EBF1: variants seen among roughly 807,000 people sequenced by gnomAD.
The protein encoded by EBF1 is transcription factor COE1.
Under a neutral mutation model 68.4 loss-of-function variants are expected in EBF1, and 10 were observed. The ratio of observed to expected loss-of-function variants is 0.15; its 90% CI spans 0.09 to 0.25. The LOEUF (loss-of-function observed/expected upper bound fraction) is 0.25, where lower values mean the gene tolerates loss of function less well. Among genes scored for constraint, EBF1 ranks in the 10% least tolerant of loss-of-function variants. The pLI, the probability that EBF1 is intolerant of heterozygous loss-of-function variation, is 1.00. For synonymous variants in EBF1, 298 were observed against 299.8 expected (o/e 0.99, Z 0.06); for missense variants, 509 against 794.4 (o/e 0.64, Z 4.32).
chr5:159,013,289 G>C (rs1370114802), intron 6 of EBF1, among the ~76,000 whole-genome samples: 1 of 152,202 alleles, frequency 6.6e-6, no homozygotes, highest in Non-Finnish European at 1.5e-5. Context: ...AGCAAAAGCA[G>C]ACACAGGCCC....
chr5:159,080,335 T>C (rs1779526629), intron 5 of EBF1, among the ~76,000 whole-genome samples: 2 of 152,150 alleles, frequency 1.3e-5, no homozygotes, highest in African/African-American at 4.8e-5. Context: ...TTCAACCCTT[T>C]CTAGAGTGCA....
chr5:159,024,725 A>C (rs1048659033), intron 6 of EBF1, among the ~76,000 whole-genome samples: 10 of 152,364 alleles, frequency 6.6e-5, no homozygotes, highest in Middle Eastern at 3.4e-3. Context: ...TTAAAAAATA[A>C]ATACATCATA....
intron 10 of EBF1, among the ~76,000 whole-genome samples, chr5:158,754,762 C>G (rs1453116118): frequency 6.6e-6 from 1 of 151,998 alleles, no homozygotes; most frequent in Non-Finnish European, 1.5e-5. Flanking sequence ...ACAAAGACCC[C>G]CAAATATTTG....
intron 8 of EBF1, among the ~76,000 whole-genome samples, chr5:158,811,093 A>G (rs62621135): frequency 0.076 from 11,632 of 152,196 alleles, 509 homozygotes; most frequent in South Asian, 0.11. Context: ...TAATTTCTAT[A>G]AAGTATCATT....
In EBF1 at chr5:158,992,927, T is replaced by C. The variant is rs994629524; in HGVS notation, c.554+80469A>G. Among the ~76,000 whole-genome samples the C allele has an allele frequency of 3.8e-5, 5 of 131,922 alleles. 1 individual carries two copies. The South Asian group carries it at 1.4e-3, about 36-fold the overall frequency. The allele number at this position is 131,922 out of a possible 152,430, so 86.5% of individuals were successfully genotyped here. A position where few individuals can be genotyped will look rare whatever the true frequency, so the allele number is the denominator to read the frequency against. ...CCCTGCTGTTTCTTTCTTTTTTTTT[T>C]TTTTTTTTTTTTTTTTTTTGAGACG... is the stretch of plus-strand genomic sequence containing the variant. On this transcript the variant is annotated intron_variant, in intron 6 of 15. Transcript: ENST00000313708.
At chr5:158,731,302 A>G in intron 10 of EBF1, 145 bp from the exon 11 acceptor site, 1 of 815,040 alleles carries the variant, frequency 1.2e-6, no homozygotes, top group Non-Finnish European at 1.9e-6. Context: ...TGTGTGAATG[A>G]TCTCTTGGCT....
intron 6 of EBF1, among the ~76,000 whole-genome samples, chr5:158,944,538 T>TA (rs1202128039): frequency 6.6e-6 from 1 of 152,208 alleles, no homozygotes; most frequent in Admixed American, 6.5e-5. Context: ...TACGTGTGCA[T>TA]GTGTCTTTAT....
intron 10 of EBF1, among the ~76,000 whole-genome samples, chr5:158,775,788 A>ATG (rs1187160962): frequency 6.0e-4 from 20 of 33,464 alleles, no homozygotes; most frequent in African/African-American, 1.7e-3. Flanking sequence ...ACACAGACAC[A>ATG]CACACACACA....
chr5:159,031,915 T>C (rs2127746728), intron 6 of EBF1, among the ~76,000 whole-genome samples: 1 of 150,318 alleles, frequency 6.7e-6, no homozygotes, highest in South Asian at 2.1e-4. Context: ...CCATCTTTTG[T>C]GGGTGCAGTT....
chr5:159,054,277 T>A (rs1774342599), intron 6 of EBF1, among the ~76,000 whole-genome samples: 1 of 152,152 alleles, frequency 6.6e-6, no homozygotes. Flanking sequence ...AAACAGGAAA[T>A]CCTGAAAGGG....
rs192333977 is a variant in EBF1, at chr5:158,751,020, A to G, written c.1037-19863T>C. Among the ~76,000 whole-genome samples, 205 of 152,242 alleles carry G rather than the reference A, an allele frequency of 1.3e-3. 1 individual carries two copies. The highest frequency in any genetic ancestry group is 2.5e-3 in the Non-Finnish European group (168 of 67,986). The stretch of plus-strand genomic sequence containing the variant: ...TGAAGAAATTTTAATGCGTGGGAAA[A>G]TGCTTATTAGGCTATGTGAAAAAAA... On this transcript the variant is annotated intron_variant, in intron 10 of 15. Transcript: ENST00000313708.
intron 6 of EBF1, among the ~76,000 whole-genome samples, chr5:158,940,100 G>A (rs913773018): frequency 6.6e-6 from 1 of 152,172 alleles, no homozygotes; most frequent in African/African-American, 2.4e-5. Context: ...TGCATTCTGG[G>A]AGAGTTTTCT....
At chr5:159,051,941 G>C (rs1773829274) in intron 6 of EBF1, among the ~76,000 whole-genome samples, 1 of 152,130 alleles carries the variant, frequency 6.6e-6, no homozygotes, top group Non-Finnish European at 1.5e-5. Flanking sequence ...AGTTGTAACA[G>C]TATTACATAC....
At chr5:158,856,979 GA>G (rs869196374) in intron 6 of EBF1, among the ~76,000 whole-genome samples, 3 of 148,090 alleles carry the variant, frequency 2.0e-5, no homozygotes, top group African/African-American at 7.4e-5. Flanking sequence ...TTAAAAGCGA[GA>G]AAAAACAAAA....
intron 10 of EBF1, among the ~76,000 whole-genome samples, chr5:158,760,071 T>G (rs1771069835): frequency 6.6e-6 from 1 of 152,184 alleles, no homozygotes; most frequent in Admixed American, 6.5e-5. Context: ...GATAGTACAT[T>G]GCCAAGTAGA....
intron 10 of EBF1, among the ~76,000 whole-genome samples, chr5:158,768,283 G>T (rs908801092): frequency 3.3e-5 from 5 of 152,080 alleles, no homozygotes; most frequent in African/African-American, 1.2e-4. Context: ...CTCAGTATAA[G>T]GTTCTGCTAG....
At chr5:158,756,260 G>A (rs1331086985) in intron 10 of EBF1, among the ~76,000 whole-genome samples, 3 of 151,932 alleles carry the variant, frequency 2.0e-5, no homozygotes, top group African/African-American at 7.3e-5. Context: ...GACCAAGTGT[G>A]AGAATTTTTT....
Position 159,095,612 on chromosome 5 carries a change from A to G in EBF1, c.411+8T>C, listed in dbSNP as rs764991119. ...GAGCCCCCCGTGGCCCAAAATCAAG[A>G]AACTTACTTGTTTTGTCATGGAGTC... On this transcript the variant is annotated splice_region_variant and intron_variant, in intron 4 of 15. Coordinates refer to ENST00000313708, the MANE Select transcript of EBF1 (RefSeq NM_024007.5). 1.2e-6 allele frequency: 2 copies of G among 1,613,830 alleles called. No individual in the cohort carries two copies. Among genetic ancestry groups the G allele is most frequent in the Admixed American group, 3.3e-5 (2 of 60,016 alleles).
At chr5:158,813,397 T>G (rs1318809683) in intron 8 of EBF1, among the ~76,000 whole-genome samples, 1 of 152,154 alleles carries the variant, frequency 6.6e-6, no homozygotes. Context: ...CCTTCCCAGC[T>G]GAAGAAATCC....
Sources: allele counts gnomAD v4.1 joint callset (sites outside exome capture counted in the v4.1 genomes callset), GRCh38; gene constraint gnomAD v4.1.1; transcripts MANE v1.5; gene names NCBI Gene and HGNC (gene_info 2026-07-23, HGNC 2026-07-21).